GNPTAB: variants seen among roughly 807,000 people sequenced by gnomAD.
GNPTAB encodes the protein N-acetylglucosamine-1-phosphotransferase subunits alpha/beta.
GNPTAB carries 92 observed loss-of-function variants against 136.6 expected under a neutral mutation model. That is an observed-to-expected ratio of 0.67 (90% CI 0.57 to 0.80). The LOEUF is 0.80. Ranked by LOEUF, GNPTAB falls within the 30% of genes least tolerant of loss-of-function variation. GNPTAB has a pLI of 0.00. For synonymous variants in GNPTAB, 512 were observed against 535.1 expected (o/e 0.96, Z 0.60); for missense variants, 1,343 against 1,501.8 (o/e 0.89, Z 1.75).
Position 101,800,771 on chromosome 12 carries a change from C to T in GNPTAB, c.118-4009G>A, listed in dbSNP as rs570876439. On this transcript the variant is annotated intron_variant, in intron 1 of 20. Transcript: ENST00000299314. ...CTAACCTGGGTGACAGAGTGAGACT[C>T]CATCTCAAAATAAAAAGAAAACAAA... 1.6e-3 allele frequency among the ~76,000 whole-genome samples: 249 copies of T among 151,770 alleles called. 1 individual carries two copies. Among genetic ancestry groups the T allele is most frequent in the Non-Finnish European group, 1.7e-3 (113 of 67,976 alleles).
chr12:101,810,710 C>G (rs981650014), intron 1 of GNPTAB: 17 of 150,796 alleles, frequency 1.1e-4, no homozygotes, highest in African/African-American at 3.9e-4. Flanking sequence ...CATACAATTT[C>G]AGACTGACAC....
At chr12:101,801,558 A>ACTGG in intron 1 of GNPTAB, among the ~76,000 whole-genome samples, 1 of 149,074 alleles carries the variant, frequency 6.7e-6, no homozygotes, top group Non-Finnish European at 1.5e-5. Context: ...AAAAAAAAAA[A>ACTGG]AAAAAAAAAC....
intron 1 of GNPTAB, among the ~76,000 whole-genome samples, chr12:101,806,799 T>C (rs751253288): frequency 2.0e-5 from 3 of 151,594 alleles, no homozygotes; most frequent in Non-Finnish European, 4.4e-5. Context: ...CCTTCCAAAA[T>C]AGAAAGCCCC....
intron 18 of GNPTAB, 169 bp downstream of exon 18, chr12:101,757,043 C>T (rs1952911001): frequency 6.9e-6 from 4 of 577,364 alleles, no homozygotes; most frequent in Non-Finnish European, 1.2e-5. Context: ...GCATGGGGGA[C>T]CCTATCTCAA....
chr12:101,764,278 T>A lies in GNPTAB; in HGVS notation c.2639A>T (p.Lys880Met), dbSNP rs1173263842. 2 of 1,614,072 alleles carry A rather than the reference T, an allele frequency of 1.2e-6. No homozygotes were observed. Among genetic ancestry groups the A allele is most frequent in the East Asian group, 2.2e-5 (1 of 44,890 alleles). ...IGVTEVLLGR[K>M]LQHYTDSYLG... The stretch of plus-strand genomic sequence containing the variant: ...GTAACTATCTGTGTAATGCTGCAGC[T>A]TTCTTCCAAGTAACACTTCAGTAAC... The change falls in exon 13 of 21, where the codon AAG (lysine) becomes ATG (methionine). Residue 880 changes from lysine to methionine, a missense_variant. By Grantham distance (95) the Lys-to-Met change is moderately conservative (BLOSUM62 -1). Transcript: ENST00000299314.
chr12:101,818,909 T>C (rs979459664), intron 1 of GNPTAB, among the ~76,000 whole-genome samples: 5 of 152,180 alleles, frequency 3.3e-5, no homozygotes, highest in South Asian at 2.1e-4. Context: ...ACATGCTCTC[T>C]TGCCTGCTGC....
chr12:101,804,780 C>T (rs547034357), intron 1 of GNPTAB, among the ~76,000 whole-genome samples: 45 of 152,280 alleles, frequency 3.0e-4, no homozygotes, highest in African/African-American at 1.1e-3. Context: ...AAGACTGTCA[C>T]AAAAATACAC....
intron 1 of GNPTAB, among the ~76,000 whole-genome samples, chr12:101,823,525 G>A (rs939970328): frequency 1.3e-5 from 2 of 148,570 alleles, no homozygotes; most frequent in African/African-American, 2.5e-5. Context: ...CAAGAGAATC[G>A]CTTGAACCCA....
chr12:101,801,128 A>G lies in GNPTAB; in HGVS notation c.118-4366T>C, dbSNP rs916180652. 2.7e-5 allele frequency among the ~76,000 whole-genome samples: 4 copies of G among 145,768 alleles called. No individual in the cohort carries two copies. In the East Asian group the frequency reaches 8.5e-4, roughly 31 times the overall value. ...CACACCTGTAGACCCAGCTACTCAG[A>G]GGCTGAGTCTGGAGTATTGTTTGAG... On this transcript the variant is annotated intron_variant, in intron 1 of 20. Transcript: ENST00000299314.
At chr12:101,824,428 A>ATTTT (rs1566103056) in intron 1 of GNPTAB, among the ~76,000 whole-genome samples, 1 of 84,064 alleles carries the variant, frequency 1.2e-5, no homozygotes, top group African/African-American at 4.3e-5. Context: ...ATATATATAT[A>ATTTT]TATATTTTCT....
chr12:101,785,969 C>A (rs774128804), intron 5 of GNPTAB, 43 bp downstream of exon 5: 2 of 1,362,724 alleles, frequency 1.5e-6, no homozygotes, highest in East Asian at 2.3e-5. Context: ...ATTCAAACAT[C>A]CAATGATAAC....
At chr12:101,781,195 A>G (rs1953337919) in intron 5 of GNPTAB, among the ~76,000 whole-genome samples, 1 of 152,148 alleles carries the variant, frequency 6.6e-6, no homozygotes, top group African/African-American at 2.4e-5. Flanking sequence ...CAACTGGGAG[A>G]GAGTTAGTGA....
At chr12:101,793,678 A>G (rs1018588775) in intron 2 of GNPTAB, among the ~76,000 whole-genome samples, 2 of 152,180 alleles carry the variant, frequency 1.3e-5, no homozygotes, top group African/African-American at 4.8e-5. Flanking sequence ...GTCACTCATA[A>G]CTCAGAACCA....
At chr12:101,824,354 T>A (rs1369043124) in intron 1 of GNPTAB, among the ~76,000 whole-genome samples, 1 of 140,592 alleles carries the variant, frequency 7.1e-6, no homozygotes, top group Non-Finnish European at 1.5e-5. Flanking sequence ...AAAAAGAGAT[T>A]CCTGATGACA....
At position 101,785,770 on chromosome 12, in the gene GNPTAB, C is replaced by T. The variant is rs942585389; in HGVS notation, c.571+242G>A. 8.4e-6 allele frequency: 4 copies of T among 477,896 alleles called. No homozygotes were observed. In the Middle Eastern group the frequency reaches 1.7e-3, roughly 205 times the overall value. The allele number at this position is 477,896 out of a possible 1,614,324, so 29.6% of individuals were successfully genotyped here. On this transcript the variant is annotated intron_variant, in intron 5 of 20. Transcript: ENST00000299314. ...CAAGAGAACAAGGTAATTGTGATAT[C>T]AGATTGAAAGTCCTCATCACAGCAC...
At chr12:101,822,393 G>C (rs1330822512) in intron 1 of GNPTAB, among the ~76,000 whole-genome samples, 1 of 152,146 alleles carries the variant, frequency 6.6e-6, no homozygotes, top group African/African-American at 2.4e-5. Context: ...CAACCTGGGC[G>C]ACAGCGAGAC....
chr12:101,757,415 C>T lies in GNPTAB; in HGVS notation c.3336-105G>A. On this transcript the variant is annotated intron_variant, in intron 17 of 20. Coordinates refer to ENST00000299314, the MANE Select transcript of GNPTAB (RefSeq NM_024312.5). ...TTAAAACCGTAGTGGACTCAACATC[C>T]ACAAAATAACTTAAACTTTTAATAC... 8 of 800,320 alleles carry T rather than the reference C, an allele frequency of 1.0e-5. No homozygotes were observed. The South Asian group carries it at 1.2e-4, about 12-fold the overall frequency. 49.6% of individuals were successfully genotyped at this position (800,320 alleles called of 1,614,324 possible).
chr12:101,750,412 A>C (rs933687888), intron 19 of GNPTAB, among the ~76,000 whole-genome samples: 15 of 152,190 alleles, frequency 9.9e-5, no homozygotes, highest in African/African-American at 3.4e-4. Context: ...ACTAATGTCT[A>C]GTGTCAGTGC....
intron 5 of GNPTAB, among the ~76,000 whole-genome samples, chr12:101,783,323 T>C (rs11830369): frequency 0.017 from 2,542 of 152,024 alleles, 77 homozygotes; most frequent in African/African-American, 0.058. Flanking sequence ...TTAAAAGTAA[T>C]CTGAGAAGAG....
Sources: gnomAD v4.1 joint callset for allele counts (sites outside exome capture counted in the v4.1 genomes callset) on GRCh38, gnomAD v4.1.1 for gene constraint, MANE v1.5 for transcripts, NCBI Gene and HGNC (gene_info 2026-07-23, HGNC 2026-07-21) for gene names.